The following HHAT variants were observed in gnomAD, a reference collection of about 807,000 sequenced individuals.
HHAT encodes protein-cysteine N-palmitoyltransferase HHAT.
HHAT carries 47 observed loss-of-function variants against 70.8 expected under a neutral mutation model. That is an observed-to-expected ratio of 0.66 (90% CI 0.53 to 0.85). The LOEUF (loss-of-function observed/expected upper bound fraction) is 0.85. Among genes scored for constraint, HHAT ranks in the 40% least tolerant of loss-of-function variants. The probability of loss-of-function intolerance (pLI) is 0.00; values close to 1 mark genes in which losing one functional copy is unlikely to be tolerated. For synonymous variants in HHAT, 228 were observed against 247.6 expected (o/e 0.92, Z 0.74); for missense variants, 609 against 604.8 (o/e 1.01, Z -0.07).
intron 11 of HHAT, among the ~76,000 whole-genome samples, chr1:210,668,004 A>G (rs747223285): frequency 8.6e-5 from 13 of 152,030 alleles, no homozygotes; most frequent in Non-Finnish European, 1.8e-4. Context: ...GGCAGCCATC[A>G]TTCTACTTTG....
chr1:210,618,571 G>A (rs761595596), intron 10 of HHAT, among the ~76,000 whole-genome samples: 16 of 152,108 alleles, frequency 1.1e-4, no homozygotes, highest in East Asian at 1.9e-4. Flanking sequence ...CCATTCCTCC[G>A]GCCATCTGCT....
rs1001248177 is a variant in HHAT at position 210,430,322 on chromosome 1, T to TG, written c.856+12002dup. Among the ~76,000 whole-genome samples the TG allele has an allele frequency of 3.6e-4, 55 of 151,848 alleles. 2 individuals carry two copies. Among genetic ancestry groups the TG allele is most frequent in the African/African-American group, 1.3e-3 (53 of 41,192 alleles). ...TCAAAGCAGCCTTGATTCCTTTTAG[T>TG]GGGGGAATTATATTTAGGAGCCAAG... On this transcript the variant is annotated intron_variant, in intron 7 of 11. Coordinates refer to ENST00000261458, the MANE Select transcript of HHAT (RefSeq NM_018194.6).
At chr1:210,635,078 C>G (rs891926279) in intron 11 of HHAT, among the ~76,000 whole-genome samples, 1 of 152,200 alleles carries the variant, frequency 6.6e-6, no homozygotes, top group Non-Finnish European at 1.5e-5. Flanking sequence ...AGCCAAACTT[C>G]TAGCTATCAC....
intron 1 of HHAT, among the ~76,000 whole-genome samples, chr1:210,334,496 T>C (rs563020900): frequency 4.6e-5 from 7 of 152,166 alleles, no homozygotes; most frequent in African/African-American, 1.7e-4. Context: ...CTCCTTCAGT[T>C]AGTTTTCCCC....
At chr1:210,602,822 C>T (rs1327164236) in intron 10 of HHAT, among the ~76,000 whole-genome samples, 2 of 152,110 alleles carry the variant, frequency 1.3e-5, no homozygotes, top group Admixed American at 1.3e-4. Flanking sequence ...TCCTAAGGAT[C>T]ATTAGCAATG....
intron 7 of HHAT, among the ~76,000 whole-genome samples, chr1:210,431,905 CA>C (rs1309799674): frequency 6.6e-6 from 1 of 151,600 alleles, no homozygotes; most frequent in African/African-American, 2.4e-5. Context: ...AATAGGCAGC[CA>C]AGAAAATAGA....
At chr1:210,614,476 T>C (rs1667257885) in intron 10 of HHAT, among the ~76,000 whole-genome samples, 1 of 152,180 alleles carries the variant, frequency 6.6e-6, no homozygotes, top group Non-Finnish European at 1.5e-5. Flanking sequence ...GTTTGTTACA[T>C]ATGTATACAT....
chr1:210,524,902 A>G (rs2095222715), intron 9 of HHAT, among the ~76,000 whole-genome samples: 1 of 151,990 alleles, frequency 6.6e-6, no homozygotes, highest in Admixed American at 6.5e-5. Flanking sequence ...GTTCTAAAAT[A>G]TGTAATTATG....
intron 8 of HHAT, among the ~76,000 whole-genome samples, chr1:210,488,998 C>T (rs2094513092): frequency 6.6e-6 from 1 of 152,116 alleles, no homozygotes; most frequent in South Asian, 2.1e-4. Context: ...AAGGAACTTT[C>T]CATACTAAAA....
chr1:210,359,078 A>C (rs1046212883), intron 2 of HHAT, among the ~76,000 whole-genome samples: 12 of 152,172 alleles, frequency 7.9e-5, no homozygotes, highest in Non-Finnish European at 5.9e-5. Flanking sequence ...AATTTGGGGA[A>C]ATAGAACCAG....
At chr1:210,543,155 G>T (rs2095447621) in intron 9 of HHAT, among the ~76,000 whole-genome samples, 1 of 152,116 alleles carries the variant, frequency 6.6e-6, no homozygotes, top group African/African-American at 2.4e-5. Flanking sequence ...TGATGGAATA[G>T]CCTTTAAAAA....
chr1:210,363,949 T>C (rs1180017846), intron 3 of HHAT, among the ~76,000 whole-genome samples: 1 of 152,188 alleles, frequency 6.6e-6, no homozygotes, highest in Non-Finnish European at 1.5e-5. Context: ...TGTACTAATA[T>C]TTTTCTATTG....
chr1:210,424,286 T>A (rs1459882202), intron 7 of HHAT, among the ~76,000 whole-genome samples: 3 of 152,218 alleles, frequency 2.0e-5, no homozygotes, highest in African/African-American at 2.4e-5. Flanking sequence ...TTTTTTTAGC[T>A]ATTAGAAATG....
At chr1:210,505,100 T>C (rs2094829383) in intron 8 of HHAT, among the ~76,000 whole-genome samples, 1 of 152,148 alleles carries the variant, frequency 6.6e-6, no homozygotes, top group South Asian at 2.1e-4. Flanking sequence ...GGTTTCACCA[T>C]GTTGGCCAGG....
At chr1:210,631,250 C>T (rs556821067) in intron 11 of HHAT, 61 of 394,540 alleles carry the variant, frequency 1.5e-4, no homozygotes, top group African/African-American at 1.2e-3. Context: ...TCATGACAGG[C>T]AACCACTGTT....
chr1:210,668,323 G>A (rs1411133613), intron 11 of HHAT, among the ~76,000 whole-genome samples: 1 of 152,148 alleles, frequency 6.6e-6, no homozygotes, highest in African/African-American at 2.4e-5. Context: ...TATTGGTGTG[G>A]TTTGGCTGTG....
chr1:210,545,272 T>G (rs1256839449), intron 9 of HHAT, among the ~76,000 whole-genome samples: 3 of 152,152 alleles, frequency 2.0e-5, no homozygotes, highest in Non-Finnish European at 2.9e-5. Context: ...ACTCTTAGCA[T>G]TCAGCCTAAT....
At chr1:210,471,541 T>G (rs182093879) in intron 8 of HHAT, among the ~76,000 whole-genome samples, 157 of 152,112 alleles carry the variant, frequency 1.0e-3, no homozygotes, top group Admixed American at 8.8e-3. Context: ...TGAAAGGAGA[T>G]ATCCTAATGC....
intron 9 of HHAT, among the ~76,000 whole-genome samples, chr1:210,547,189 T>A (rs551756990): frequency 1.3e-5 from 2 of 151,770 alleles, no homozygotes; most frequent in Non-Finnish European, 2.9e-5. Context: ...ATTATCTGGG[T>A]GTGGTGGCGA....
Sources: allele counts gnomAD v4.1 joint callset (sites outside exome capture counted in the v4.1 genomes callset), GRCh38; gene constraint gnomAD v4.1.1; transcripts MANE v1.5; gene names NCBI Gene and HGNC (gene_info 2026-07-23, HGNC 2026-07-21).